Variants in PRLR observed in about 807,000 individuals in gnomAD.
PRLR encodes the protein prolactin receptor, also known as hPRL receptor.
In PRLR, 13 loss-of-function variants were observed where a neutral mutation model predicts 40.2. That is an observed-to-expected ratio of 0.32 (90% CI 0.21 to 0.51). The LOEUF (loss-of-function observed/expected upper bound fraction) is 0.51, where lower values mean the gene tolerates loss of function less well. Among genes scored for constraint, PRLR ranks in the 20% least tolerant of loss-of-function variants. The pLI is 0.97. For synonymous variants in PRLR, 269 were observed against 278.7 expected (o/e 0.97, Z 0.35); for missense variants, 656 against 747.3 (o/e 0.88, Z 1.42).
At chr5:35,137,301 T>C (rs1773889361) in intron 1 of PRLR, among the ~76,000 whole-genome samples, 1 of 152,194 alleles carries the variant, frequency 6.6e-6, no homozygotes, top group African/African-American at 2.4e-5. Flanking sequence ...AAGTCTGAAC[T>C]TTCTCCACTT....
chr5:35,073,741 T>C (rs540842165), intron 5 of PRLR, among the ~76,000 whole-genome samples: 2 of 152,178 alleles, frequency 1.3e-5, no homozygotes, highest in African/African-American at 4.8e-5. Flanking sequence ...GTGAAGTGCA[T>C]AGGATACAAA....
rs1032026492 is a variant in PRLR, at chr5:35,122,015, A to G, written c.-105-3893T>C. 3.3e-5 allele frequency among the ~76,000 whole-genome samples: 5 copies of G among 152,228 alleles called. No homozygotes were observed. The South Asian group carries it at 1.0e-3, about 32-fold the overall frequency. On this transcript the variant is annotated intron_variant, in intron 1 of 9. Coordinates refer to ENST00000618457, the MANE Select transcript of PRLR (RefSeq NM_000949.7). ...TCTGGGTGGAATAAAGTGGGAGTTG[A>G]TACACAATTAACAAATGAGAAAATA... is the stretch of plus-strand genomic sequence containing the variant.
At chr5:35,091,719 T>C (rs1179353205) in intron 2 of PRLR, among the ~76,000 whole-genome samples, 1 of 152,170 alleles carries the variant, frequency 6.6e-6, no homozygotes, top group Non-Finnish European at 1.5e-5. Flanking sequence ...AGAGAGGCCT[T>C]CTCAGCTACT....
Position 35,057,805 on chromosome 5 carries a change from A to G in PRLR, c.*7284T>C, listed in dbSNP as rs1283892206. ...CTACATATAGAAATGAGTTTTTAAA[A>G]TCAAAATAAGATAATTTCTGGTAAA... is the stretch of plus-strand genomic sequence containing the variant. On this transcript the variant is annotated 3_prime_UTR_variant, in exon 10 of 10. Coordinates refer to ENST00000618457, the MANE Select transcript of PRLR (RefSeq NM_000949.7). The G allele has an allele frequency of 6.6e-6, 1 of 152,168 alleles. No homozygotes were observed. The highest frequency in any genetic ancestry group is 1.5e-5 in the Non-Finnish European group (1 of 68,014). The allele number at this position is 152,168 out of a possible 1,614,324, so 9.4% of individuals were successfully genotyped here.
intron 3 of PRLR, among the ~76,000 whole-genome samples, chr5:35,086,918 G>T (rs1195314112): frequency 6.6e-6 from 1 of 151,996 alleles, no homozygotes. Context: ...TCACTACATC[G>T]CTAAAGCTCC....
At chr5:35,086,112 T>C in intron 4 of PRLR, 96 bp downstream of exon 4, 1 of 1,470,556 alleles carries the variant, frequency 6.8e-7, no homozygotes, top group South Asian at 1.3e-5. Context: ...CTGGTGTAAA[T>C]TCAGGGATGT....
intron 2 of PRLR, among the ~76,000 whole-genome samples, chr5:35,113,450 T>TATCCATCCATCC (rs375477215): frequency 2.8e-5 from 3 of 105,318 alleles, no homozygotes; most frequent in Admixed American, 9.2e-5. Flanking sequence ...CCCACCCACC[T>TATCCATCCATCC]ATCCATCCAT....
intron 1 of PRLR, 149 bp from the exon 2 acceptor site, chr5:35,118,271 G>A (rs1023233268): frequency 3.4e-5 from 7 of 207,028 alleles, no homozygotes; most frequent in Non-Finnish European, 8.4e-6. Context: ...TTGTTTTTTG[G>A]CAGCTTTATT....
intron 4 of PRLR, among the ~76,000 whole-genome samples, chr5:35,085,668 T>C (rs1342492245): frequency 6.6e-6 from 1 of 152,196 alleles, no homozygotes; most frequent in African/African-American, 2.4e-5. Flanking sequence ...GATTGTATGG[T>C]ACCACTTCAC....
Position 35,125,882 on chromosome 5 carries a change from G to A in PRLR, c.-105-7760C>T, listed in dbSNP as rs573489265. Reference sequence around the variant, plus strand: ...TTTCCAATTATGTCAGCCTGGTTGGGGAACATCTAAATGCCATTTGTCCTT... The same window carrying A: ...TTTCCAATTATGTCAGCCTGGTTGGAGAACATCTAAATGCCATTTGTCCTT... On this transcript the variant is annotated intron_variant, in intron 1 of 9. Transcript: ENST00000618457. 2.0e-5 allele frequency among the ~76,000 whole-genome samples: 3 copies of A among 152,256 alleles called. No individual in the cohort carries two copies. In the East Asian group the frequency reaches 5.8e-4, roughly 29 times the overall value.
chr5:35,113,805 C>T (rs1370352436), intron 2 of PRLR, among the ~76,000 whole-genome samples: 1 of 152,176 alleles, frequency 6.6e-6, no homozygotes, highest in East Asian at 1.9e-4. Flanking sequence ...GGAGGGGTTG[C>T]CTGGGGAGGC....
chr5:35,112,429 G>T (rs1772719028), intron 2 of PRLR, among the ~76,000 whole-genome samples: 1 of 152,116 alleles, frequency 6.6e-6, no homozygotes, highest in South Asian at 2.1e-4. Flanking sequence ...TGGCCCCGGG[G>T]CTTCTGCTAG....
At chr5:35,070,312 GAAGA>G in intron 6 of PRLR, 47 bp from the exon 7 acceptor site, 1 of 1,598,082 alleles carries the variant, frequency 6.3e-7, no homozygotes, top group South Asian at 1.1e-5. Flanking sequence ...CATTTGTTGT[GAAGA>G]AAGAGAGTTT....
intron 2 of PRLR, among the ~76,000 whole-genome samples, chr5:35,092,126 A>G (rs1032656939): frequency 1.3e-5 from 2 of 152,200 alleles, no homozygotes; most frequent in African/African-American, 4.8e-5. Context: ...ACAGGATCAA[A>G]GAAACTCTCC....
intron 5 of PRLR, among the ~76,000 whole-genome samples, chr5:35,083,383 G>T (rs892430264): frequency 2.6e-5 from 4 of 151,926 alleles, no homozygotes; most frequent in Non-Finnish European, 5.9e-5. Context: ...TGACCTTCCT[G>T]CAACCTTGGC....
intron 2 of PRLR, among the ~76,000 whole-genome samples, chr5:35,100,105 G>T (rs867848824): frequency 2.0e-5 from 3 of 151,382 alleles, no homozygotes; most frequent in Non-Finnish European, 4.4e-5. Context: ...TTGAACCTGG[G>T]AGGCGGAGTT....
At chr5:35,101,397 T>G (rs1292565853) in intron 2 of PRLR, among the ~76,000 whole-genome samples, 1 of 152,202 alleles carries the variant, frequency 6.6e-6, no homozygotes, top group African/African-American at 2.4e-5. Flanking sequence ...AACCTCTTTG[T>G]GTGCATTAAT....
chr5:35,210,044 T>A (rs1776130157), intron 1 of PRLR, among the ~76,000 whole-genome samples: 2 of 152,180 alleles, frequency 1.3e-5, no homozygotes, highest in South Asian at 4.1e-4. Flanking sequence ...TCATGTTTTA[T>A]TCAGCTTGGC....
intron 1 of PRLR, among the ~76,000 whole-genome samples, chr5:35,222,056 G>A (rs1454251601): frequency 1.3e-5 from 2 of 152,208 alleles, no homozygotes; most frequent in African/African-American, 4.8e-5. Context: ...TGTAATCCCA[G>A]CACTTTGGGA....
Sources: gnomAD v4.1 joint callset for allele counts (sites outside exome capture counted in the v4.1 genomes callset) on GRCh38, gnomAD v4.1.1 for gene constraint, MANE v1.5 for transcripts, NCBI Gene and HGNC (gene_info 2026-07-23, HGNC 2026-07-21) for gene names.